The following PTPRF variants were observed in gnomAD, a reference collection of about 807,000 sequenced individuals.
PTPRF encodes receptor-type tyrosine-protein phosphatase F.
Under a neutral mutation model 201.8 loss-of-function variants are expected in PTPRF, and 59 were observed. The observed-to-expected ratio is 0.29, with a 90% CI of 0.24 to 0.36. The LOEUF (loss-of-function observed/expected upper bound fraction) is 0.36. Among genes scored for constraint, PTPRF ranks in the 10% least tolerant of loss-of-function variants. The probability of loss-of-function intolerance (pLI) is 1.00; values close to 1 mark genes in which losing one functional copy is unlikely to be tolerated. For synonymous variants in PTPRF, 1,088 were observed against 1,089.7 expected (o/e 1.00, Z 0.03); for missense variants, 2,132 against 2,690.5 (o/e 0.79, Z 4.59).
intron 1 of PTPRF, among the ~76,000 whole-genome samples, chr1:43,531,848 C>G (rs925772678): frequency 9.2e-5 from 14 of 152,184 alleles, no homozygotes; most frequent in Non-Finnish European, 1.8e-4. Context: ...CCCGTCCCGT[C>G]CCGGCTCCCC....
chr1:43,538,058 G>C lies in PTPRF; in HGVS notation c.-125-140G>C, dbSNP rs926063446. The C allele has an allele frequency of 1.0e-5, 4 of 393,488 alleles. No homozygotes were observed. In the South Asian group the frequency reaches 5.7e-4, roughly 56 times the overall value. 24.4% of individuals were successfully genotyped at this position (393,488 alleles called of 1,614,324 possible). A position where few individuals can be genotyped will look rare whatever the true frequency, so the allele number is the denominator to read the frequency against. On this transcript the variant is annotated intron_variant, in intron 1 of 33. Coordinates refer to ENST00000359947, the MANE Select transcript of PTPRF (RefSeq NM_002840.5). ...GAAAAGATGGGCATTTTTACCAGAT[G>C]GGGATGGTTCTACATGAACATTTCC...
intron 7 of PTPRF, chr1:43,582,577 G>A (rs546548045): frequency 9.8e-5 from 1 of 10,252 alleles, no homozygotes; most frequent in Admixed American, 3.5e-4. Flanking sequence ...ACCTGGCTGC[G>A]GGCCACAGCT....
Position 43,537,289 on chromosome 1 carries a change from G to A in PTPRF, c.-125-909G>A, listed in dbSNP as rs1644082557. ...CTGTCGCTGCATGTGTGCCAGCGGA[G>A]GAGGCATCCAGGGGCACGCCTTCAT... On this transcript the variant is annotated intron_variant, in intron 1 of 33. Transcript: ENST00000359947. The surrounding 1 kb of genome is among the most constrained non-coding windows in gnomAD (Gnocchi z 4.8). 6.6e-6 allele frequency among the ~76,000 whole-genome samples: 1 copy of A among 152,244 alleles called. No individual in the cohort carries two copies. The highest frequency in any genetic ancestry group is 2.1e-4 in the South Asian group (1 of 4,834).
intron 6 of PTPRF, among the ~76,000 whole-genome samples, chr1:43,575,011 A>G (rs889735660): frequency 2.2e-4 from 33 of 152,174 alleles, no homozygotes; most frequent in Admixed American, 1.9e-3. Context: ...ACACTTCCCA[A>G]TCCCCAGACG....
intron 11 of PTPRF, among the ~76,000 whole-genome samples, chr1:43,593,873 A>G (rs1383589041): frequency 6.6e-6 from 1 of 151,890 alleles, no homozygotes. Context: ...GCAATCCCAC[A>G]TACTCGGGAG....
intron 2 of PTPRF, among the ~76,000 whole-genome samples, chr1:43,539,764 C>T (rs1644247785): frequency 6.6e-6 from 1 of 152,058 alleles, no homozygotes; most frequent in African/African-American, 2.4e-5. Flanking sequence ...AGAATAGGTA[C>T]CTGAAGGTGG....
rs1330678973 is a variant in PTPRF, at chr1:43,588,733, C to T, written c.682C>T (p.Arg228Cys). 5 of 1,612,822 alleles carry T rather than the reference C, an allele frequency of 3.1e-6. No individual in the cohort carries two copies. The highest frequency in any genetic ancestry group is 1.3e-5 in the African/African-American group (1 of 75,014). The part of the protein sequence containing the change: ...SAPANLYVRV[R>C]RVAPRFSIPP... ...TGCCTCTCTCCCTCCTCCTGCAGTG[C>T]GCCGCGTGGCTCCTCGTTTCTCCAT... The change falls in exon 8 of 34, where the codon CGC (arginine) becomes TGC (cysteine). Residue 228 changes from arginine to cysteine, a missense_variant and splice_region_variant. Arg to Cys is a radical substitution (Grantham distance 180, BLOSUM62 -3). Coordinates refer to ENST00000359947, the MANE Select transcript of PTPRF (RefSeq NM_002840.5). The surrounding 1 kb of genome is among the most constrained non-coding windows in gnomAD (Gnocchi z 5.3).
intron 3 of PTPRF, among the ~76,000 whole-genome samples, chr1:43,547,456 C>A (rs896455895): frequency 7.9e-5 from 12 of 152,204 alleles, no homozygotes; most frequent in Non-Finnish European, 1.6e-4. Context: ...GTGACCGAGC[C>A]GCAGGAGCCA....
At position 43,606,936 on chromosome 1, in the gene PTPRF, C is replaced by T. The variant is rs149107650; in HGVS notation, c.3825C>T (p.Ile1275=). Residue 1275 remains isoleucine (I), a synonymous_variant, in exon 21 of 34, where the codon ATC becomes ATT. Coordinates refer to ENST00000359947, the MANE Select transcript of PTPRF (RefSeq NM_002840.5). ...CCGTGCTGGCAGTCATCCTCATCAT[C>T]CTCATTGTCATCGCCATCCTCTTGT... is the stretch of plus-strand genomic sequence containing the variant. ...TGPVLAVILI[I]LIVIAILLFK... The T allele has an allele frequency of 1.1e-4, 170 of 1,614,050 alleles. No homozygotes were observed. The highest frequency in any genetic ancestry group is 5.1e-6 in the Non-Finnish European group (6 of 1,180,050).
At chr1:43,581,016 A>G (rs1219294264) in intron 7 of PTPRF, among the ~76,000 whole-genome samples, 1 of 152,230 alleles carries the variant, frequency 6.6e-6, no homozygotes, top group Non-Finnish European at 1.5e-5. Flanking sequence ...TCACTGTTAC[A>G]CTGGCCCCAG....
chr1:43,587,557 G>A (rs1649472409), intron 7 of PTPRF, among the ~76,000 whole-genome samples: 1 of 152,202 alleles, frequency 6.6e-6, no homozygotes, highest in South Asian at 2.1e-4. Context: ...TGTGTGAGCA[G>A]CATAGTCTGG....
At chr1:43,572,591 A>G (rs1039770298) in intron 6 of PTPRF, among the ~76,000 whole-genome samples, 10 of 152,188 alleles carry the variant, frequency 6.6e-5, no homozygotes, top group Admixed American at 6.5e-4. Context: ...GAAGGGTGCT[A>G]AGGCTATTCC....
chr1:43,547,745 G>T (rs1469383736), intron 3 of PTPRF, among the ~76,000 whole-genome samples: 3 of 152,246 alleles, frequency 2.0e-5, no homozygotes, highest in Non-Finnish European at 2.9e-5. Context: ...TGGAGAAGCA[G>T]CTGCCAAGAG....
At chr1:43,563,351 C>T (rs1645940098) in intron 5 of PTPRF, among the ~76,000 whole-genome samples, 1 of 151,994 alleles carries the variant, frequency 6.6e-6, no homozygotes, top group African/African-American at 2.4e-5. Context: ...GTTGGTGAGT[C>T]CAGTTAGAAA....
At chr1:43,592,689 C>G in intron 11 of PTPRF, 88 bp downstream of exon 11, 6 of 1,397,940 alleles carry the variant, frequency 4.3e-6, no homozygotes, top group Middle Eastern at 2.4e-4. Context: ...CTCGACCAGG[C>G]AGGTGGGGTG....
In PTPRF at chr1:43,603,973, C is replaced by G. The variant is rs200457473; in HGVS notation, c.2821C>G (p.Leu941Val). The change falls in exon 16 of 34, where the codon CTG becomes GTG. Residue 941 changes from leucine to valine, a missense_variant. By Grantham distance (32) the Leu-to-Val change is conservative. This residue lies in a region of PTPRF where 818 missense variants were observed against 915.3 expected (regional missense o/e 0.89). Coordinates refer to ENST00000359947, the MANE Select transcript of PTPRF (RefSeq NM_002840.5). This position sits in a 1 kb window ranked among gnomAD's most constrained non-coding sequence, Gnocchi z 5.8. ...AGAACTGGCCTGGGACCCGCCAGTGCTGGCGGAGAGGAACGGGCGCATCAT... is the reference window on the plus strand; with the variant it reads ...AGAACTGGCCTGGGACCCGCCAGTGGTGGCGGAGAGGAACGGGCGCATCAT... Reference protein sequence around the residue: ...TTELAWDPPVLAERNGRIISY... With the variant: ...TTELAWDPPVVAERNGRIISY... 1 of 1,614,084 alleles carries G rather than the reference C, an allele frequency of 6.2e-7. No individual in the cohort carries two copies. Among genetic ancestry groups the G allele is most frequent in the African/African-American group, 1.3e-5 (1 of 74,942 alleles).
chr1:43,617,479 A>G lies in PTPRF; in HGVS notation c.4106A>G (p.Asn1369Ser), dbSNP rs1370341354. ...CCTGGACAGCAGTTCACGTGGGAGA[A>G]TTCAAACCTGGAGGTGAACAAGCCC... Reference protein sequence around the residue: ...IDPGQQFTWENSNLEVNKPKN... With the variant: ...IDPGQQFTWESSNLEVNKPKN... Residue 1369 changes from asparagine (N) to serine (S), a missense_variant, in exon 24 of 34, where the codon AAT (asparagine) becomes AGT (serine). By Grantham distance (46) the Asn-to-Ser change is conservative. Transcript: ENST00000359947. 6.2e-7 allele frequency: 1 copy of G among 1,614,166 alleles called. No homozygotes were observed. Among genetic ancestry groups the G allele is most frequent in the East Asian group, 2.2e-5 (1 of 44,872 alleles).
At chr1:43,560,105 AGTGTGTGTGT>A (rs58961389) in intron 5 of PTPRF, among the ~76,000 whole-genome samples, 1 of 139,784 alleles carries the variant, frequency 7.2e-6, no homozygotes, top group African/African-American at 2.6e-5. Flanking sequence ...TGCAGCAGGC[AGTGTGTGTGT>A]GTGTGTGTGT....
Position 43,588,100 on chromosome 1 carries a change from C to CTT in PTPRF, c.680-630_680-629insTT, listed in dbSNP as rs1046156102. ...CCCTGACCCCTGCCCCTCCCCAGTC[C>CTT]TCCTGAGGGCAGCCCTTTTGCTTGG... On this transcript the variant is annotated intron_variant, in intron 7 of 33. Coordinates refer to ENST00000359947, the MANE Select transcript of PTPRF (RefSeq NM_002840.5). The surrounding 1 kb of genome is among the most constrained non-coding windows in gnomAD (Gnocchi z 5.3). Among the ~76,000 whole-genome samples the CTT allele has an allele frequency of 2.6e-5, 4 of 152,232 alleles. No individual in the cohort carries two copies. The highest frequency in any genetic ancestry group is 9.6e-5 in the African/African-American group (4 of 41,452).
Sources: gnomAD v4.1 joint callset for allele counts (sites outside exome capture counted in the v4.1 genomes callset) on GRCh38, gnomAD v4.1.1 for gene constraint, gnomAD v4.1.1 regional missense constraint, Gnocchi (gnomAD v3.1) non-coding constraint, MANE v1.5 for transcripts, NCBI Gene and HGNC (gene_info 2026-07-23, HGNC 2026-07-21) for gene names.